The following XKR4 variants were observed in gnomAD, a reference collection of about 807,000 sequenced individuals.
XKR4 encodes XK-related protein 4.
In XKR4, 12 loss-of-function variants were observed where a neutral mutation model predicts 53.9. The observed-to-expected ratio is 0.22, with a 90% CI of 0.14 to 0.36. The LOEUF (loss-of-function observed/expected upper bound fraction) is 0.36, where lower values mean the gene tolerates loss of function less well. XKR4 is among the 10% of genes least tolerant of loss of function. The probability of loss-of-function intolerance (pLI) is 1.00; values close to 1 mark genes in which losing one functional copy is unlikely to be tolerated. For missense variants in XKR4, 799 were observed against 859.5 expected (o/e 0.93, Z 0.88); for synonymous variants, 354 against 362.4 (o/e 0.98, Z 0.26).
rs145880244 is a variant in XKR4, at chr8:55,117,404, T to C, written c.806+14110T>C. Among the ~76,000 whole-genome samples the C allele has an allele frequency of 1.6e-3, 238 of 152,276 alleles. 1 individual carries two copies. Among genetic ancestry groups the C allele is most frequent in the African/African-American group, 5.6e-3 (232 of 41,544 alleles). ...TAGGAGACAAAATCCCTAATATGAG[T>C]AAAGCTCATTGCCTTCCCTGCTTCC... is the stretch of plus-strand genomic sequence containing the variant. On this transcript the variant is annotated intron_variant, in intron 1 of 2. Transcript: ENST00000327381.
In XKR4 at chr8:55,531,459, A is replaced by T; in HGVS notation, c.*7232A>T. ...TGGCATGTGAGCCTTACAATATACA[A>T]TTAACATATGAAATAATGATGATGA... On this transcript the variant is annotated 3_prime_UTR_variant, in exon 3 of 3. Transcript: ENST00000327381. The T allele has an allele frequency of 6.6e-6, 1 of 152,218 alleles. No individual in the cohort carries two copies. The highest frequency in any genetic ancestry group is 1.9e-4 in the East Asian group (1 of 5,198). The allele number at this position is 152,218 out of a possible 1,614,324, so 9.4% of individuals were successfully genotyped here. A position where few individuals can be genotyped will look rare whatever the true frequency, so the allele number is the denominator to read the frequency against.
intron 2 of XKR4, among the ~76,000 whole-genome samples, chr8:55,460,836 C>G (rs968307556): frequency 2.0e-5 from 3 of 152,256 alleles, no homozygotes; most frequent in Non-Finnish European, 4.4e-5. Flanking sequence ...AAATTATATC[C>G]CTCACATGGC....
At chr8:55,154,626 T>C (rs1384225925) in intron 1 of XKR4, among the ~76,000 whole-genome samples, 2 of 152,198 alleles carry the variant, frequency 1.3e-5, no homozygotes, top group East Asian at 3.9e-4. Flanking sequence ...ACATTCTTTG[T>C]ATATTCTTGG....
chr8:55,384,378 T>G (rs1474643521), intron 2 of XKR4, among the ~76,000 whole-genome samples: 1 of 152,240 alleles, frequency 6.6e-6, no homozygotes, highest in Non-Finnish European at 1.5e-5. Context: ...TTTTTATTAT[T>G]TTATTGACTG....
intron 2 of XKR4, among the ~76,000 whole-genome samples, chr8:55,398,537 G>T (rs1010612161): frequency 6.6e-6 from 1 of 152,180 alleles, no homozygotes; most frequent in Non-Finnish European, 1.5e-5. Flanking sequence ...AGGAGGATGA[G>T]TTCCTCCACA....
intron 1 of XKR4, among the ~76,000 whole-genome samples, chr8:55,118,820 A>T (rs556381008): frequency 6.6e-6 from 1 of 152,106 alleles, no homozygotes; most frequent in Non-Finnish European, 1.5e-5. Flanking sequence ...ATTGCAAAGT[A>T]TGTTTTTTTT....
chr8:55,185,772 G>A (rs150164290), intron 1 of XKR4, among the ~76,000 whole-genome samples: 285 of 152,282 alleles, frequency 1.9e-3, no homozygotes, highest in African/African-American at 6.6e-3. Flanking sequence ...TTAATGGACA[G>A]TGGGAATTTC....
At chr8:55,239,275 C>T (rs1818175047) in intron 1 of XKR4, among the ~76,000 whole-genome samples, 1 of 152,164 alleles carries the variant, frequency 6.6e-6, no homozygotes, top group Admixed American at 6.5e-5. Context: ...CATGAAGTAT[C>T]TTGTTGTTTG....
At chr8:55,300,962 A>C (rs1819184847) in intron 1 of XKR4, among the ~76,000 whole-genome samples, 1 of 152,098 alleles carries the variant, frequency 6.6e-6, no homozygotes, top group South Asian at 2.1e-4. Flanking sequence ...GGTGTTTCTC[A>C]CTGTTCTCAT....
At chr8:55,166,588 A>G (rs1191828984) in intron 1 of XKR4, among the ~76,000 whole-genome samples, 1 of 152,240 alleles carries the variant, frequency 6.6e-6, no homozygotes, top group African/African-American at 2.4e-5. Flanking sequence ...ATGTATGATG[A>G]TGATATGCAC....
chr8:55,371,212 A>G (rs1804065786), intron 2 of XKR4, among the ~76,000 whole-genome samples: 2 of 151,966 alleles, frequency 1.3e-5, no homozygotes, highest in African/African-American at 4.8e-5. Context: ...ATTATGCCCA[A>G]TACTTTGTCA....
chr8:55,397,742 A>C (rs1287801649), intron 2 of XKR4, among the ~76,000 whole-genome samples: 1 of 152,192 alleles, frequency 6.6e-6, no homozygotes, highest in African/African-American at 2.4e-5. Context: ...ATTTTCAGCT[A>C]AGCCCTTCAT....
At chr8:55,215,506 A>AC (rs1361988423) in intron 1 of XKR4, among the ~76,000 whole-genome samples, 1 of 152,194 alleles carries the variant, frequency 6.6e-6, no homozygotes, top group East Asian at 1.9e-4. Flanking sequence ...ATACTAGCAA[A>AC]CTGAATCCAA....
At chr8:55,119,163 A>G (rs1027302620) in intron 1 of XKR4, among the ~76,000 whole-genome samples, 6 of 152,202 alleles carry the variant, frequency 3.9e-5, no homozygotes, top group Non-Finnish European at 7.3e-5. Context: ...ACTTCAAGGA[A>G]TTCACTGTCC....
chr8:55,443,644 C>A (rs1479489309), intron 2 of XKR4, among the ~76,000 whole-genome samples: 2 of 147,926 alleles, frequency 1.4e-5, no homozygotes, highest in East Asian at 4.0e-4. Context: ...GAGATCGAAA[C>A]CATCCTGGCC....
At chr8:55,514,597 A>G (rs1806684692) in intron 2 of XKR4, among the ~76,000 whole-genome samples, 1 of 152,186 alleles carries the variant, frequency 6.6e-6, no homozygotes, top group African/African-American at 2.4e-5. Context: ...AGAAAGGGAC[A>G]CAGCTTGTCT....
At position 55,488,708 on chromosome 8, in the gene XKR4, G is replaced by A. The variant is rs1806228580; in HGVS notation, c.1007-34573G>A. Among the ~76,000 whole-genome samples, 2 of 10,246 alleles carry A rather than the reference G, an allele frequency of 2.0e-4. 1 individual carries two copies. Among genetic ancestry groups the A allele is most frequent in the South Asian group, 4.4e-3 (2 of 450 alleles). 6.7% of individuals were successfully genotyped at this position (10,246 alleles called of 152,430 possible). On this transcript the variant is annotated intron_variant, in intron 2 of 2. Transcript: ENST00000327381. ...TAATCCCAGCACTTTGGGAGGCCGA[G>A]GCGGGCGGATCACGAGGTCAGGAGA...
intron 1 of XKR4, among the ~76,000 whole-genome samples, chr8:55,251,036 A>G (rs951074664): frequency 7.9e-5 from 12 of 152,234 alleles, no homozygotes; most frequent in Non-Finnish European, 1.5e-4. Flanking sequence ...TACACCCTCA[A>G]GAAGCTGTAG....
intron 2 of XKR4, among the ~76,000 whole-genome samples, chr8:55,500,639 C>T (rs1452688818): frequency 6.6e-6 from 1 of 152,206 alleles, no homozygotes; most frequent in Non-Finnish European, 1.5e-5. Flanking sequence ...ACTATTCCCT[C>T]TCATGGGAAG....
Sources: allele counts gnomAD v4.1 joint callset (sites outside exome capture counted in the v4.1 genomes callset), GRCh38; gene constraint gnomAD v4.1.1; transcripts MANE v1.5; gene names NCBI Gene and HGNC (gene_info 2026-07-23, HGNC 2026-07-21).